PDE4D: variants seen among roughly 807,000 people sequenced by gnomAD.
PDE4D encodes the protein 3',5'-cyclic-AMP phosphodiesterase 4D.
PDE4D carries 24 observed loss-of-function variants against 87.4 expected under a neutral mutation model. The observed-to-expected ratio is 0.27, with a 90% confidence interval of 0.20 to 0.39. PDE4D has a LOEUF of 0.39. PDE4D is among the 10% of genes least tolerant of loss of function. The probability of loss-of-function intolerance (pLI) is 1.00; values close to 1 mark genes in which losing one functional copy is unlikely to be tolerated. For synonymous variants in PDE4D, 384 were observed against 383.2 expected (o/e 1.00, Z -0.02); for missense variants, 714 against 1,041.0 (o/e 0.69, Z 4.32).
intron 1 of PDE4D, chr5:60,304,292 C>G (rs1754226372): frequency 6.6e-6 from 1 of 152,038 alleles, no homozygotes; most frequent in African/African-American, 2.4e-5. Context: ...GAGAGAGGCC[C>G]GTAAAGCCAC....
At chr5:59,128,819 T>G (rs1161063440) in intron 5 of PDE4D, among the ~76,000 whole-genome samples, 1 of 152,228 alleles carries the variant, frequency 6.6e-6, no homozygotes, top group African/African-American at 2.4e-5. Context: ...ATGTGCAACA[T>G]AATTCCATCT....
intron 1 of PDE4D, among the ~76,000 whole-genome samples, chr5:59,263,025 G>A (rs538419116): frequency 4.0e-5 from 6 of 151,804 alleles, no homozygotes; most frequent in African/African-American, 1.5e-4. Context: ...AAGCCACAGG[G>A]AAGAGGCAAA....
chr5:59,099,461 T>A (rs937060360), intron 5 of PDE4D, among the ~76,000 whole-genome samples: 1 of 152,220 alleles, frequency 6.6e-6, no homozygotes, highest in Non-Finnish European at 1.5e-5. Flanking sequence ...ACATCCACCC[T>A]CTTTGGTTAT....
At chr5:59,453,362 A>C (rs886873305) in intron 1 of PDE4D, among the ~76,000 whole-genome samples, 18 of 152,220 alleles carry the variant, frequency 1.2e-4, no homozygotes, top group African/African-American at 4.1e-4. Flanking sequence ...CACATCTCTT[A>C]CTTTAAATAA....
intron 1 of PDE4D, among the ~76,000 whole-genome samples, chr5:59,421,461 C>CA (rs1477778474): frequency 3.9e-5 from 6 of 151,964 alleles, no homozygotes; most frequent in Non-Finnish European, 7.4e-5. Flanking sequence ...TTAATAAAGA[C>CA]AGAGTGGAAG....
intron 2 of PDE4D, among the ~76,000 whole-genome samples, chr5:59,212,681 T>C (rs1025268303): frequency 6.6e-6 from 1 of 152,038 alleles, no homozygotes; most frequent in Non-Finnish European, 1.5e-5. Flanking sequence ...CAAACTCAGT[T>C]TACTACAATT....
intron 1 of PDE4D, among the ~76,000 whole-genome samples, chr5:59,637,536 G>T (rs1233242368): frequency 6.6e-6 from 1 of 151,822 alleles, no homozygotes; most frequent in African/African-American, 2.4e-5. Flanking sequence ...AGAAAATGTG[G>T]CACATATACA....
chr5:60,004,447 C>T (rs1050419466), intron 2 of PDE4D, among the ~76,000 whole-genome samples: 2 of 152,046 alleles, frequency 1.3e-5, no homozygotes, highest in Non-Finnish European at 2.9e-5. Flanking sequence ...ACTATGTAAA[C>T]ACTATGTAAA....
At chr5:60,265,538 G>A (rs1562271288) in intron 1 of PDE4D, among the ~76,000 whole-genome samples, 1 of 152,144 alleles carries the variant, frequency 6.6e-6, no homozygotes, top group African/African-American at 2.4e-5. Flanking sequence ...ACCTCTCTTG[G>A]AACCTTAATT....
At chr5:59,129,740 G>A (rs1322618389) in intron 5 of PDE4D, among the ~76,000 whole-genome samples, 1 of 152,126 alleles carries the variant, frequency 6.6e-6, no homozygotes, top group Non-Finnish European at 1.5e-5. Context: ...GGTCGCGAAT[G>A]GTGAGGAGAT....
intron 1 of PDE4D, among the ~76,000 whole-genome samples, chr5:60,504,952 G>A (rs1467254150): frequency 2.6e-5 from 4 of 152,130 alleles, no homozygotes; most frequent in Admixed American, 1.3e-4. Context: ...GCATGTAGGT[G>A]ACATTCATTT....
At chr5:59,602,344 C>A (rs1019502661) in intron 1 of PDE4D, among the ~76,000 whole-genome samples, 2 of 152,090 alleles carry the variant, frequency 1.3e-5, no homozygotes, top group Admixed American at 1.3e-4. Context: ...GAAAGCTTTT[C>A]CTTTAAGATC....
chr5:60,381,644 T>C (rs1335168635), intron 1 of PDE4D, among the ~76,000 whole-genome samples: 1 of 151,892 alleles, frequency 6.6e-6, no homozygotes, highest in Non-Finnish European at 1.5e-5. Context: ...AAGGAACTGG[T>C]GAGCTGGGAG....
At chr5:60,501,233 G>A (rs1305907827) in intron 1 of PDE4D, among the ~76,000 whole-genome samples, 2 of 151,906 alleles carry the variant, frequency 1.3e-5, no homozygotes, top group African/African-American at 2.4e-5. Flanking sequence ...TCCCACCTAT[G>A]AGTAAGAATA....
chr5:59,286,482 T>A (rs2153552227), intron 1 of PDE4D, among the ~76,000 whole-genome samples: 1 of 152,266 alleles, frequency 6.6e-6, no homozygotes, highest in East Asian at 1.9e-4. Context: ...CAATAGGAAA[T>A]TTTTTAAAAC....
intron 1 of PDE4D, among the ~76,000 whole-genome samples, chr5:59,302,049 A>T (rs563527616): frequency 1.5e-3 from 211 of 143,834 alleles, no homozygotes; most frequent in Middle Eastern, 0.01. Flanking sequence ...AAAACGTCAG[A>T]GTTTGCCTGA....
intron 1 of PDE4D, among the ~76,000 whole-genome samples, chr5:59,442,763 G>C (rs1797830583): frequency 6.6e-6 from 1 of 152,140 alleles, no homozygotes. Flanking sequence ...GTTCTTGTTG[G>C]GGAAATTTTC....
chr5:60,218,132 T>C (rs958517164), intron 1 of PDE4D, among the ~76,000 whole-genome samples: 1 of 151,930 alleles, frequency 6.6e-6, no homozygotes, highest in African/African-American at 2.4e-5. Flanking sequence ...TAAAGATCTA[T>C]CAAGAGTAAA....
chr5:59,217,322 A>G (rs531199701), intron 1 of PDE4D: 4 of 454,170 alleles, frequency 8.8e-6, no homozygotes, highest in Non-Finnish European at 1.8e-5. Context: ...TTTCCCCATT[A>G]GAATCTTTAT....
Sources: allele counts gnomAD v4.1 joint callset (sites outside exome capture counted in the v4.1 genomes callset), GRCh38; gene constraint gnomAD v4.1.1; transcripts MANE v1.5; gene names NCBI Gene and HGNC (gene_info 2026-07-23, HGNC 2026-07-21).